Variants in SCAI observed in about 807,000 individuals in gnomAD.
The protein encoded by SCAI is suppressor of cancer cell invasion.
A neutral mutation model predicts 92.2 loss-of-function variants in SCAI; 24 were observed. The ratio of observed to expected loss-of-function variants is 0.26; its 90% CI spans 0.19 to 0.37. The LOEUF (loss-of-function observed/expected upper bound fraction) is 0.37, where lower values mean the gene tolerates loss of function less well. Ranked by LOEUF, SCAI falls within the 10% of genes least tolerant of loss-of-function variation. The pLI is 1.00. For missense variants in SCAI, 450 were observed against 736.2 expected (o/e 0.61, Z 4.50); for synonymous variants, 261 against 258.6 (o/e 1.01, Z -0.09).
intron 2 of SCAI, among the ~76,000 whole-genome samples, chr9:125,141,075 C>G (rs944758485): frequency 6.6e-6 from 1 of 152,084 alleles, no homozygotes; most frequent in Non-Finnish European, 1.5e-5. Flanking sequence ...AAAATACAGA[C>G]TCACATACCC....
intron 2 of SCAI, among the ~76,000 whole-genome samples, chr9:125,096,629 C>T (rs548042896): frequency 3.9e-5 from 6 of 152,308 alleles, no homozygotes; most frequent in Non-Finnish European, 7.4e-5. Flanking sequence ...TACTTTCCCA[C>T]TCCCTAGCAG....
intron 2 of SCAI, among the ~76,000 whole-genome samples, chr9:125,106,289 T>C (rs1281084107): frequency 6.7e-6 from 1 of 150,214 alleles, no homozygotes; most frequent in Non-Finnish European, 1.5e-5. Flanking sequence ...AACACAAGCA[T>C]TGGAAGATTC....
At chr9:125,131,983 A>C (rs1835410789) in intron 2 of SCAI, among the ~76,000 whole-genome samples, 1 of 152,230 alleles carries the variant, frequency 6.6e-6, no homozygotes, top group Non-Finnish European at 1.5e-5. Flanking sequence ...AACACTGCAG[A>C]GAAAGAGATA....
intron 9 of SCAI, among the ~76,000 whole-genome samples, 189 bp downstream of exon 9, chr9:125,018,610 T>C (rs1212860956): frequency 6.6e-6 from 1 of 152,224 alleles, no homozygotes; most frequent in African/African-American, 2.4e-5. Flanking sequence ...TATCTTTCTA[T>C]GTTATTAAAA....
At chr9:125,029,416 C>G (rs1044806500) in intron 4 of SCAI, among the ~76,000 whole-genome samples, 1 of 152,130 alleles carries the variant, frequency 6.6e-6, no homozygotes, top group African/African-American at 2.4e-5. Flanking sequence ...GCCACCATGC[C>G]TGGCCATACA....
chr9:125,126,027 T>G (rs574245807), intron 2 of SCAI, among the ~76,000 whole-genome samples: 2 of 151,524 alleles, frequency 1.3e-5, no homozygotes, highest in Non-Finnish European at 2.9e-5. Flanking sequence ...TTGGGTACAA[T>G]GAAGCCAGTG....
chr9:125,022,866 T>C (rs1832898934), intron 6 of SCAI, among the ~76,000 whole-genome samples: 1 of 152,228 alleles, frequency 6.6e-6, no homozygotes, highest in South Asian at 2.1e-4. Context: ...ATTATACTTT[T>C]TGGAGTTTAT....
intron 3 of SCAI, among the ~76,000 whole-genome samples, chr9:125,037,021 C>T (rs759759445): frequency 6.6e-6 from 1 of 152,160 alleles, no homozygotes; most frequent in Non-Finnish European, 1.5e-5. Flanking sequence ...GTAATCCCAG[C>T]ACTTTGGGAG....
chr9:125,001,300 AATTTTTTT>A (rs760221081), intron 12 of SCAI, among the ~76,000 whole-genome samples: 17 of 152,230 alleles, frequency 1.1e-4, no homozygotes, highest in Non-Finnish European at 2.1e-4. Flanking sequence ...GGATGTTAAG[AATTTTTTT>A]ATTTTTTTAT....
chr9:124,998,599 T>C (rs1471793182), intron 13 of SCAI, among the ~76,000 whole-genome samples: 2 of 152,184 alleles, frequency 1.3e-5, no homozygotes, highest in African/African-American at 2.4e-5. Flanking sequence ...AGCATGACTA[T>C]AGTTAATAAT....
chr9:125,126,986 A>G (rs1431136346), intron 2 of SCAI, among the ~76,000 whole-genome samples: 2 of 152,194 alleles, frequency 1.3e-5, no homozygotes, highest in Non-Finnish European at 2.9e-5. Flanking sequence ...TGAGGGAAGA[A>G]GGGTAGAACA....
rs1832321154 is a variant in SCAI at position 124,999,875 on chromosome 9, A to C, written c.1244+16T>G. The C allele has an allele frequency of 8.0e-7, 1 of 1,255,540 alleles. No homozygotes were observed. Among genetic ancestry groups the C allele is most frequent in the Non-Finnish European group, 1.1e-6 (1 of 883,984 alleles). The allele number at this position is 1,255,540 out of a possible 1,614,324, so 77.8% of individuals were successfully genotyped here. A position where few individuals can be genotyped will look rare whatever the true frequency, so the allele number is the denominator to read the frequency against. On this transcript the variant is annotated intron_variant, in intron 13 of 17. Transcript: ENST00000336505. Reference sequence around the variant, plus strand: ...GGTATAATTTTTATAATAAGAGTAGACACCAGAATACATACCAGTGCATTT... The same window carrying C: ...GGTATAATTTTTATAATAAGAGTAGCCACCAGAATACATACCAGTGCATTT...
intron 2 of SCAI, among the ~76,000 whole-genome samples, chr9:125,102,143 T>C (rs1410121659): frequency 1.3e-5 from 2 of 152,194 alleles, no homozygotes; most frequent in East Asian, 1.9e-4. Flanking sequence ...GTGACAAACA[T>C]GTCTCCAGAC....
chr9:125,059,879 T>A (rs1833739623), intron 2 of SCAI, among the ~76,000 whole-genome samples: 1 of 152,196 alleles, frequency 6.6e-6, no homozygotes, highest in Admixed American at 6.5e-5. Flanking sequence ...GAACAAATCC[T>A]ACTCTTATAC....
chr9:125,015,440 C>T (rs1456482023), intron 9 of SCAI, among the ~76,000 whole-genome samples: 1 of 152,164 alleles, frequency 6.6e-6, no homozygotes, highest in African/African-American at 2.4e-5. Context: ...AAATGCTCAC[C>T]ATCACTAGCC....
intron 3 of SCAI, among the ~76,000 whole-genome samples, chr9:125,053,719 T>C (rs1833608682): frequency 6.6e-6 from 1 of 152,280 alleles, no homozygotes; most frequent in Admixed American, 6.5e-5. Flanking sequence ...GTGATTAAAA[T>C]GATCTAAAAT....
At chr9:125,123,592 C>T (rs1835203558) in intron 2 of SCAI, among the ~76,000 whole-genome samples, 1 of 152,126 alleles carries the variant, frequency 6.6e-6, no homozygotes, top group African/African-American at 2.4e-5. Context: ...CTAGCTAACA[C>T]GTGAAACCCC....
At chr9:124,974,614 A>C (rs563589761) in intron 15 of SCAI, among the ~76,000 whole-genome samples, 11 of 152,216 alleles carry the variant, frequency 7.2e-5, no homozygotes, top group Non-Finnish European at 1.6e-4. Flanking sequence ...GATAAATCCA[A>C]AACATTTCTC....
chr9:125,129,294 A>AGCC (rs1835346446), intron 2 of SCAI, among the ~76,000 whole-genome samples: 1 of 145,952 alleles, frequency 6.9e-6, no homozygotes, highest in South Asian at 2.2e-4. Context: ...TACAAAAGTT[A>AGCC]GCCAGGAGTG....
Sources: gnomAD v4.1 joint callset for allele counts (sites outside exome capture counted in the v4.1 genomes callset) on GRCh38, gnomAD v4.1.1 for gene constraint, MANE v1.5 for transcripts, NCBI Gene and HGNC (gene_info 2026-07-23, HGNC 2026-07-21) for gene names.